DPH6: variants seen among roughly 807,000 people sequenced by gnomAD.
DPH6 encodes the protein diphthine--ammonia ligase.
A neutral mutation model predicts 38.2 loss-of-function variants in DPH6; 33 were observed. The observed-to-expected ratio is 0.86, with a 90% CI of 0.65 to 1.15. The LOEUF (loss-of-function observed/expected upper bound fraction) is 1.15. Ranked by LOEUF, DPH6 falls within the 50% of genes most tolerant of loss-of-function variation. DPH6 has a pLI of 0.00. For missense variants in DPH6, 325 were observed against 320.0 expected (o/e 1.02, Z -0.12); for synonymous variants, 108 against 103.0 (o/e 1.05, Z -0.30).
chr15:35,190,218 G>A, the DPH6 span, among the ~76,000 whole-genome samples: 74 of 152,310 alleles, frequency 4.9e-4, no homozygotes, highest in African/African-American at 1.7e-3. Flanking sequence ...TGTCCAGTGG[G>A]TTCTCCTTGC....
chr15:35,370,666 T>C (rs1011111952), downstream of DPH6, among the ~76,000 whole-genome samples: 1 of 151,634 alleles, frequency 6.6e-6, no homozygotes, highest in Non-Finnish European at 1.5e-5. Flanking sequence ...ATGGCAAAAG[T>C]CCAAAATTCC....
At chr15:35,186,365 T>A in the DPH6 span, among the ~76,000 whole-genome samples, 1 of 152,200 alleles carries the variant, frequency 6.6e-6, no homozygotes, top group Non-Finnish European at 1.5e-5. Context: ...GTTCTATGAT[T>A]TTTAGTCCAG....
chr15:35,542,516 TAAATC>T lies in DPH6; in HGVS notation c.24-14_24-10del. 1 of 1,540,624 alleles carries T rather than the reference TAAATC, an allele frequency of 6.5e-7. No homozygotes were observed. The highest frequency in any genetic ancestry group is 8.9e-7 in the Non-Finnish European group (1 of 1,124,886). On this transcript the variant is annotated splice_polypyrimidine_tract_variant and intron_variant, in intron 1 of 8. Transcript: ENST00000256538. ...AGCTGTCCTTCCCACCACTAAACAA[TAAATC>T]AAGAGAGGGACAAATATCATGCTAC...
rs1382743545 is a variant in DPH6 at position 35,427,215 on chromosome 15, C to T, written c.506-16319G>A. Among the ~76,000 whole-genome samples, 3 of 151,872 alleles carry T rather than the reference C, an allele frequency of 2.0e-5. No individual in the cohort carries two copies. The East Asian group carries it at 5.8e-4, about 29-fold the overall frequency. On this transcript the variant is annotated intron_variant, in intron 5 of 8. Transcript: ENST00000256538. ...GCTGTACAGGAGAGTGAGGAAACGACTATTCCAAGGGCACTTTCTGAGAAA... is the reference window on the plus strand; with the variant it reads ...GCTGTACAGGAGAGTGAGGAAACGATTATTCCAAGGGCACTTTCTGAGAAA...
chr15:35,234,643 G>C (rs1402305047), intron 3 of DPH6, among the ~76,000 whole-genome samples: 1 of 152,206 alleles, frequency 6.6e-6, no homozygotes, highest in Non-Finnish European at 1.5e-5. Flanking sequence ...GCCAAATTTA[G>C]GAATGGGCAT....
the DPH6 span, among the ~76,000 whole-genome samples, chr15:35,199,062 G>A: frequency 6.6e-6 from 1 of 151,964 alleles, no homozygotes; most frequent in Non-Finnish European, 1.5e-5. Flanking sequence ...TGGGACTACA[G>A]GCGCCCGCCA....
chr15:35,314,538 C>T (rs753862945), intron 3 of DPH6, among the ~76,000 whole-genome samples: 4 of 152,038 alleles, frequency 2.6e-5, no homozygotes, highest in Non-Finnish European at 4.4e-5. Flanking sequence ...AGTGGTGGTT[C>T]GAGAAGTTTC....
chr15:35,495,056 A>G (rs1414135724), intron 3 of DPH6, among the ~76,000 whole-genome samples: 1 of 152,122 alleles, frequency 6.6e-6, no homozygotes, highest in Admixed American at 6.6e-5. Context: ...CAAAATTCAA[A>G]TTGTATTCCT....
At chr15:35,208,969 T>C in the DPH6 span, among the ~76,000 whole-genome samples, 1 of 152,188 alleles carries the variant, frequency 6.6e-6, no homozygotes. Flanking sequence ...GGTATATCTT[T>C]TCACTTTTTA....
intron 3 of DPH6, among the ~76,000 whole-genome samples, chr15:35,460,281 T>G (rs567964699): frequency 6.6e-6 from 1 of 152,356 alleles, no homozygotes; most frequent in East Asian, 1.9e-4. Flanking sequence ...TTACTAAATT[T>G]AATAGAATTT....
chr15:35,469,873 C>T (rs1173516206), intron 3 of DPH6, among the ~76,000 whole-genome samples: 1 of 151,976 alleles, frequency 6.6e-6, no homozygotes, highest in East Asian at 1.9e-4. Flanking sequence ...CATACATTTA[C>T]AAAGTGGGCA....
chr15:35,189,349 C>G, the DPH6 span, among the ~76,000 whole-genome samples: 9 of 152,176 alleles, frequency 5.9e-5, no homozygotes, highest in Non-Finnish European at 1.2e-4. Context: ...AGTTCTTAGG[C>G]TTCCATTACA....
At chr15:35,187,478 C>T in the DPH6 span, among the ~76,000 whole-genome samples, 3 of 152,068 alleles carry the variant, frequency 2.0e-5, no homozygotes, top group Non-Finnish European at 4.4e-5. Flanking sequence ...ATTGTTTATA[C>T]GTTGGGGAAT....
intron 6 of DPH6, among the ~76,000 whole-genome samples, chr15:35,388,458 A>T (rs2053003786): frequency 6.6e-6 from 1 of 152,204 alleles, no homozygotes; most frequent in Admixed American, 6.5e-5. Context: ...TTCAGCTGTG[A>T]ATCCATCTGG....
chr15:35,451,560 A>G (rs898663122), intron 4 of DPH6, among the ~76,000 whole-genome samples: 2 of 152,180 alleles, frequency 1.3e-5, no homozygotes, highest in Non-Finnish European at 2.9e-5. Flanking sequence ...CCAATCTACC[A>G]CAATGCAGAA....
chr15:35,359,673 A>C (rs945105706), intron 3 of DPH6, among the ~76,000 whole-genome samples: 2 of 152,120 alleles, frequency 1.3e-5, no homozygotes, highest in Non-Finnish European at 2.9e-5. Context: ...TGGGAGAGAA[A>C]GGTCTCCCTT....
At chr15:35,425,096 A>G (rs2053552289) in intron 5 of DPH6, among the ~76,000 whole-genome samples, 1 of 151,674 alleles carries the variant, frequency 6.6e-6, no homozygotes, top group South Asian at 2.1e-4. Context: ...AGTATTTTCT[A>G]TAAGACAATT....
At chr15:35,272,106 T>A (rs374272174) in intron 3 of DPH6, among the ~76,000 whole-genome samples, 18 of 152,202 alleles carry the variant, frequency 1.2e-4, no homozygotes, top group African/African-American at 4.3e-4. Flanking sequence ...AGATCAAAAA[T>A]ATTTTAAAAA....
intron 3 of DPH6, among the ~76,000 whole-genome samples, chr15:35,306,872 C>T (rs2052096303): frequency 6.6e-6 from 1 of 152,150 alleles, no homozygotes; most frequent in South Asian, 2.1e-4. Flanking sequence ...CAGGCTCAGA[C>T]TGAGAAAAGT....
Sources: gnomAD v4.1 joint callset for allele counts (sites outside exome capture counted in the v4.1 genomes callset) on GRCh38, gnomAD v4.1.1 for gene constraint, MANE v1.5 for transcripts, NCBI Gene and HGNC (gene_info 2026-07-23, HGNC 2026-07-21) for gene names.